MAST2: variants seen among roughly 807,000 people sequenced by gnomAD.
MAST2 encodes the protein microtubule-associated serine/threonine-protein kinase 2.
In MAST2, 70 loss-of-function variants were observed where a neutral mutation model predicts 147.4. That is an observed-to-expected ratio of 0.47 (90% confidence interval 0.39 to 0.58). MAST2 has a LOEUF of 0.58. Among genes scored for constraint, MAST2 ranks in the 20% least tolerant of loss-of-function variants. The pLI is 0.00. For synonymous variants in MAST2, 869 were observed against 896.8 expected, an observed-to-expected ratio of 0.97 and a Z score of 0.55; for missense variants, 2,080 against 2,302.3, an observed-to-expected ratio of 0.90 and a Z score of 1.98.
At chr1:45,902,971 A>G (rs994933536) in intron 4 of MAST2, among the ~76,000 whole-genome samples, 7 of 151,838 alleles carry the variant, frequency 4.6e-5, no homozygotes, top group African/African-American at 1.7e-4. Context: ...TTTGGTCTCA[A>G]TATCATTTAG....
intron 4 of MAST2, among the ~76,000 whole-genome samples, chr1:45,885,549 T>G (rs545998645): frequency 5.9e-5 from 9 of 152,194 alleles, no homozygotes; most frequent in Non-Finnish European, 1.3e-4. Flanking sequence ...AGTCTCCAAA[T>G]TGGTAAGTGG....
intron 4 of MAST2, among the ~76,000 whole-genome samples, chr1:45,886,294 TTATA>T (rs1203397461): frequency 7.6e-5 from 10 of 131,518 alleles, no homozygotes; most frequent in Admixed American, 2.5e-4. Context: ...GTATACATAT[TTATA>T]TATGTATCTA....
At chr1:45,930,424 T>TTGTTTTGTTG (rs1199054800) in intron 4 of MAST2, among the ~76,000 whole-genome samples, 1 of 151,946 alleles carries the variant, frequency 6.6e-6, no homozygotes, top group African/African-American at 2.4e-5. Context: ...TTGTTTTGTT[T>TTGTTTTGTTG]TGTTTATCTT....
chr1:46,034,540 G>C lies in MAST2; in HGVS notation c.3871G>C (p.Gly1291Arg). 6.2e-7 allele frequency: 1 copy of C among 1,612,404 alleles called. No homozygotes were observed. Among genetic ancestry groups the C allele is most frequent in the Non-Finnish European group, 8.5e-7 (1 of 1,179,144 alleles). ...RVTPDAVHSV[G>R]GNSSQSSSPS... is the part of the protein sequence containing the mutation. ...TGTCTGTCTGTCTCTGTACAAAGTG[G>C]GAGGGAATTCATCACAGAGCAGCTC... Residue 1291 changes from glycine (G) to arginine (R), a missense_variant and splice_region_variant, in exon 29 of 29, where the codon GGA (glycine) becomes CGA (arginine). Gly to Arg is a moderately radical substitution (Grantham distance 125). This residue lies in a region of MAST2 where 1,278 missense variants were observed against 1,304.2 expected (regional missense o/e 0.98). Transcript: ENST00000361297.
At chr1:46,030,503 C>T in intron 21 of MAST2, 104 bp from the exon 22 acceptor site, 1 of 1,368,524 alleles carries the variant, frequency 7.3e-7, no homozygotes, top group East Asian at 2.5e-5. Flanking sequence ...AGGGATGGAA[C>T]CGACTGGTTC....
intron 4 of MAST2, 112 bp from the exon 5 acceptor site, chr1:45,959,274 T>A (rs1416046066): frequency 2.8e-6 from 2 of 714,918 alleles, no homozygotes; most frequent in Non-Finnish European, 4.9e-6. Context: ...TTTAAAGAAG[T>A]ATACTGTGCG....
At chr1:45,993,258 C>CGAA (rs1644918513) in intron 5 of MAST2, among the ~76,000 whole-genome samples, 1 of 152,126 alleles carries the variant, frequency 6.6e-6, no homozygotes, top group South Asian at 2.1e-4. Context: ...TCCATATTTC[C>CGAA]ACCTGGCATC....
intron 4 of MAST2, chr1:45,913,631 C>G (rs1039501527): frequency 3.0e-6 from 3 of 1,003,856 alleles, no homozygotes; most frequent in Non-Finnish European, 2.4e-6. Context: ...ACTGCTGCCT[C>G]GTGGGCTCTT....
At chr1:45,984,759 G>T (rs1231167227) in intron 5 of MAST2, among the ~76,000 whole-genome samples, 1 of 152,072 alleles carries the variant, frequency 6.6e-6, no homozygotes, top group Admixed American at 6.6e-5. Flanking sequence ...AGGCCAACGC[G>T]GGAGGATTGC....
At chr1:46,034,304 G>T in intron 28 of MAST2, 38 bp downstream of exon 28, 1 of 1,572,126 alleles carries the variant, frequency 6.4e-7, no homozygotes, top group Non-Finnish European at 8.6e-7. Flanking sequence ...ACAACCCCTG[G>T]GAAATAGGAA....
At chr1:45,975,710 TA>T (rs1644122878) in intron 5 of MAST2, among the ~76,000 whole-genome samples, 1 of 148,476 alleles carries the variant, frequency 6.7e-6, no homozygotes, top group Non-Finnish European at 1.5e-5. Flanking sequence ...CATAAAAAAG[TA>T]CAGATCGTTT....
At chr1:46,014,527 A>G (rs1645851894) in intron 10 of MAST2, among the ~76,000 whole-genome samples, 1 of 151,966 alleles carries the variant, frequency 6.6e-6, no homozygotes, top group East Asian at 1.9e-4. Context: ...GTGGCTGCAT[A>G]GTATTCCATG....
chr1:45,990,875 T>A (rs1644830484), intron 5 of MAST2, among the ~76,000 whole-genome samples: 1 of 152,220 alleles, frequency 6.6e-6, no homozygotes, highest in Non-Finnish European at 1.5e-5. Flanking sequence ...GTTCTTAATT[T>A]TAATGCAGTC....
intron 3 of MAST2, among the ~76,000 whole-genome samples, chr1:45,834,352 C>T (rs1480215192): frequency 1.3e-5 from 2 of 152,006 alleles, no homozygotes; most frequent in East Asian, 1.9e-4. Flanking sequence ...AAGCAAAAGC[C>T]TTAAAGTTGC....
At chr1:45,891,486 CA>C (rs1025161452) in intron 4 of MAST2, among the ~76,000 whole-genome samples, 2 of 151,196 alleles carry the variant, frequency 1.3e-5, no homozygotes, top group South Asian at 2.1e-4. Context: ...CAAAACAAAA[CA>C]AAAAAAAGAA....
chr1:45,919,635 C>T (rs1444505844), intron 4 of MAST2, among the ~76,000 whole-genome samples: 6 of 152,146 alleles, frequency 3.9e-5, no homozygotes, highest in Non-Finnish European at 8.8e-5. Context: ...GACGTACTAG[C>T]GCTTGGCGTA....
At chr1:46,009,373 T>C (rs1331131622) in intron 9 of MAST2, among the ~76,000 whole-genome samples, 1 of 152,152 alleles carries the variant, frequency 6.6e-6, no homozygotes, top group Non-Finnish European at 1.5e-5. Context: ...TGCATGTCCT[T>C]TTCAACACCA....
intron 3 of MAST2, among the ~76,000 whole-genome samples, chr1:45,834,295 T>C (rs1645041098): frequency 1.3e-5 from 2 of 152,210 alleles, no homozygotes; most frequent in South Asian, 4.1e-4. Context: ...ATTATTGGAA[T>C]GATAACTGGT....
At chr1:45,899,859 T>A (rs531773357) in intron 4 of MAST2, among the ~76,000 whole-genome samples, 138 of 149,912 alleles carry the variant, frequency 9.2e-4, no homozygotes, top group East Asian at 5.3e-3. Context: ...TAAAAAAAAA[T>A]TTTTTTTTTT....
Sources: allele counts gnomAD v4.1 joint callset (sites outside exome capture counted in the v4.1 genomes callset), GRCh38; gene constraint gnomAD v4.1.1; regional missense constraint gnomAD v4.1.1; transcripts MANE v1.5; gene names NCBI Gene and HGNC (gene_info 2026-07-23, HGNC 2026-07-21).